SORBS2: variants seen among roughly 807,000 people sequenced by gnomAD.
The protein encoded by SORBS2 is sorbin and SH3 domain-containing protein 2.
SORBS2 carries 46 observed loss-of-function variants against 97.7 expected under a neutral mutation model. The observed-to-expected ratio is 0.47, with a 90% CI of 0.37 to 0.60. The LOEUF (loss-of-function observed/expected upper bound fraction) is 0.60, where lower values mean the gene tolerates loss of function less well. SORBS2 is among the 20% of genes least tolerant of loss of function. The pLI, the probability that SORBS2 is intolerant of heterozygous loss-of-function variation, is 0.00. For missense variants in SORBS2, 1,316 were observed against 1,282.3 expected (o/e 1.03, Z -0.40); for synonymous variants, 476 against 473.4 (o/e 1.01, Z -0.07).
chr4:185,891,524 A>G (rs2099242491), intron 1 of SORBS2, among the ~76,000 whole-genome samples: 1 of 152,180 alleles, frequency 6.6e-6, no homozygotes, highest in African/African-American at 2.4e-5. Flanking sequence ...TAGCAACACT[A>G]TTGTGTACTA....
In SORBS2 at chr4:185,835,221, C is replaced by T. The variant is rs868275199; in HGVS notation, c.-337-59855G>A. 3.9e-5 allele frequency among the ~76,000 whole-genome samples: 6 copies of T among 152,184 alleles called. No homozygotes were observed. In the South Asian group the frequency reaches 1.2e-3, roughly 31 times the overall value. ...ACTGTGAGCCAATTAAACCTCTTTT[C>T]TTGATAAATTACCCATCCTCAGGTA... is the stretch of plus-strand genomic sequence containing the variant. On this transcript the variant is annotated intron_variant, in intron 1 of 20. Coordinates refer to the SORBS2 transcript ENST00000284776.
rs79982447 is a variant in SORBS2 at position 185,761,188 on chromosome 4, G to T, written c.-198+14039C>A. ...TGTTAAAATACTTGAATTCATAGCT[G>T]CCATCAGTAATGTCTTTATTCATTC... On this transcript the variant is annotated intron_variant, in intron 2 of 20. Transcript: ENST00000284776. 1.2e-3 allele frequency among the ~76,000 whole-genome samples: 182 copies of T among 152,252 alleles called. 7 individuals are homozygous for T. In the East Asian group the frequency reaches 0.029, roughly 24 times the overall value.
intron 1 of SORBS2, among the ~76,000 whole-genome samples, chr4:185,872,176 C>A (rs766757874): frequency 4.3e-4 from 65 of 152,144 alleles, no homozygotes; most frequent in Non-Finnish European, 8.2e-4. Flanking sequence ...TTGTTTGTAT[C>A]TGGGGAGAAA....
intron 4 of SORBS2, chr4:185,677,661 A>AGAAAGAAATAAAGTT (rs2153499307): frequency 6.8e-7 from 1 of 1,464,474 alleles, no homozygotes; most frequent in Non-Finnish European, 9.0e-7. Context: ...TGGGATCCAG[A>AGAAAGAAATAAAGTT]GAAAGAAATA....
Position 185,623,589 on chromosome 4 carries a change from AG to A in SORBS2, c.1539del (p.Tyr514ThrfsTer4). 6.2e-7 allele frequency: 1 copy of A among 1,614,126 alleles called. No homozygotes were observed. The highest frequency in any genetic ancestry group is 8.5e-7 in the Non-Finnish European group (1 of 1,180,016). The stretch of plus-strand genomic sequence containing the variant: ...AAGGATGACCCCTCTAGGTGAATGT[AG>A]TCACTGTGGTCGGACACAACCCCGT... On this transcript the variant is annotated frameshift_variant, in exon 7 of 15. Transcript: ENST00000418609. LOFTEE classifies it high-confidence loss of function. The surrounding 1 kb of genome is among the most constrained non-coding windows in gnomAD (Gnocchi z 6.4).
intron 11 of SORBS2, among the ~76,000 whole-genome samples, chr4:185,612,249 T>C (rs560084106): frequency 4.7e-4 from 72 of 152,336 alleles, no homozygotes; most frequent in African/African-American, 1.7e-3. Flanking sequence ...TACTTGTTTA[T>C]GCTGGTATTG....
chr4:185,694,795 C>T (rs2098151984), intron 2 of SORBS2, among the ~76,000 whole-genome samples: 1 of 144,916 alleles, frequency 6.9e-6, no homozygotes, highest in Admixed American at 7.3e-5. Context: ...CAACCTCCAC[C>T]TCCTGGGTTC....
At position 185,684,880 on chromosome 4, in the gene SORBS2, G is replaced by C. The variant is rs1243899812; in HGVS notation, c.-197-6058C>G. 4 of 1,508,242 alleles carry C rather than the reference G, an allele frequency of 2.7e-6. No individual in the cohort carries two copies. Among genetic ancestry groups the C allele is most frequent in the Non-Finnish European group, 3.6e-6 (4 of 1,107,818 alleles). The allele number at this position is 1,508,242 out of a possible 1,614,324, so 93.4% of individuals were successfully genotyped here. A position where few individuals can be genotyped will look rare whatever the true frequency, so the allele number is the denominator to read the frequency against. Reference sequence around the variant, plus strand: ...AAAAAAATGATATAGCAGAGGCCAAGGCAACGGGAAAAGCACGTGCAATAT... The same window carrying C: ...AAAAAAATGATATAGCAGAGGCCAACGCAACGGGAAAAGCACGTGCAATAT... On this transcript the variant is annotated intron_variant, in intron 2 of 20. Coordinates refer to the SORBS2 transcript ENST00000284776. This position sits in a 1 kb window ranked among gnomAD's most constrained non-coding sequence, Gnocchi z 4.2.
At chr4:185,789,301 C>T (rs1390283267) in intron 1 of SORBS2, among the ~76,000 whole-genome samples, 2 of 152,166 alleles carry the variant, frequency 1.3e-5, no homozygotes, top group East Asian at 3.8e-4. Context: ...TCCTTCTACT[C>T]TTAAGCAGTC....
At chr4:185,943,427 A>T (rs976485480) in intron 1 of SORBS2, among the ~76,000 whole-genome samples, 2 of 152,246 alleles carry the variant, frequency 1.3e-5, no homozygotes, top group African/African-American at 2.4e-5. Flanking sequence ...TAGAAACATC[A>T]TCTACGACAT....
chr4:185,780,852 A>G (rs571840214), intron 1 of SORBS2, among the ~76,000 whole-genome samples: 82 of 152,362 alleles, frequency 5.4e-4, no homozygotes, highest in African/African-American at 1.9e-3. Context: ...AGTATCATTG[A>G]AAGAGATTAT....
At chr4:185,796,952 C>A (rs865902677) in intron 1 of SORBS2, among the ~76,000 whole-genome samples, 1 of 150,220 alleles carries the variant, frequency 6.7e-6, no homozygotes, top group South Asian at 2.1e-4. Flanking sequence ...GCTGGGCATG[C>A]CTGGGCTCTG....
intron 2 of SORBS2, among the ~76,000 whole-genome samples, chr4:185,750,483 A>T (rs573548775): frequency 6.6e-6 from 1 of 152,274 alleles, no homozygotes; most frequent in African/African-American, 2.4e-5. Context: ...AACAGCTAAG[A>T]TTATTACACA....
chr4:185,859,675 G>C (rs1003314685), intron 1 of SORBS2, among the ~76,000 whole-genome samples: 1 of 151,316 alleles, frequency 6.6e-6, no homozygotes, highest in Admixed American at 6.6e-5. Context: ...TCCTTTAGTA[G>C]TTTGTAAGCC....
At chr4:185,811,017 G>A (rs186996811) in intron 1 of SORBS2, 4 of 152,176 alleles carry the variant, frequency 2.6e-5, no homozygotes, top group Non-Finnish European at 4.4e-5. Context: ...CACAATGGGG[G>A]TCTTGTGCTC....
At chr4:185,695,995 A>G (rs1335808078) in intron 2 of SORBS2, among the ~76,000 whole-genome samples, 1 of 152,220 alleles carries the variant, frequency 6.6e-6, no homozygotes, top group African/African-American at 2.4e-5. Context: ...CTGTGCTAAC[A>G]GTGCCTGAAA....
intron 2 of SORBS2, among the ~76,000 whole-genome samples, chr4:185,682,124 TTG>T (rs2097879547): frequency 6.6e-6 from 1 of 152,194 alleles, no homozygotes; most frequent in African/African-American, 2.4e-5. Context: ...TGACAAATCC[TTG>T]TGAGTCTGGG....
intron 12 of SORBS2, among the ~76,000 whole-genome samples, chr4:185,610,019 T>G (rs1458604311): frequency 6.6e-6 from 1 of 152,210 alleles, no homozygotes; most frequent in African/African-American, 2.4e-5. Context: ...TGGTTATTAG[T>G]GAAATTTGTA....
In SORBS2 at chr4:185,789,395, G is replaced by T. The variant is rs566654253; in HGVS notation, c.-337-14029C>A. ...CTACAAAGGTACTCAGGGATTCTAT[G>T]CAATAATTATTCAAAATAAAGTCAT... is the stretch of plus-strand genomic sequence containing the variant. On this transcript the variant is annotated intron_variant, in intron 1 of 20. Coordinates refer to the SORBS2 transcript ENST00000284776. Among the ~76,000 whole-genome samples, 9 of 151,894 alleles carry T rather than the reference G, an allele frequency of 5.9e-5. 1 individual carries two copies. In the East Asian group the frequency reaches 1.7e-3, roughly 29 times the overall value.
Sources: allele counts gnomAD v4.1 joint callset (sites outside exome capture counted in the v4.1 genomes callset), GRCh38; gene constraint gnomAD v4.1.1; non-coding constraint Gnocchi (gnomAD v3.1); transcripts MANE v1.5; gene names NCBI Gene and HGNC (gene_info 2026-07-23, HGNC 2026-07-21).